The following SLC43A2 variants were observed in gnomAD, a reference collection of about 807,000 sequenced individuals.
The protein encoded by SLC43A2 is large neutral amino acids transporter small subunit 4.
Under a neutral mutation model 63.2 loss-of-function variants are expected in SLC43A2, and 38 were observed. That is an observed-to-expected ratio of 0.60 (90% CI 0.46 to 0.79). The LOEUF is 0.79. SLC43A2 is among the 30% of genes least tolerant of loss of function. SLC43A2 has a pLI of 0.00. For synonymous variants in SLC43A2, 322 were observed against 331.0 expected, an observed-to-expected ratio of 0.97 and a Z score of 0.30; for missense variants, 644 against 756.2, an observed-to-expected ratio of 0.85 and a Z score of 1.74.
chr17:1,618,102 C>T (rs553750221), intron 2 of SLC43A2, among the ~76,000 whole-genome samples: 2 of 152,346 alleles, frequency 1.3e-5, no homozygotes, highest in African/African-American at 2.4e-5. Flanking sequence ...AAAGCTTGCT[C>T]AGGCCTCTCG....
intron 3 of SLC43A2, chr17:1,616,319 A>T: frequency 1.8e-6 from 1 of 542,874 alleles, no homozygotes; most frequent in African/African-American, 1.9e-5. Context: ...TCTTAGTGAC[A>T]AGCAGCTCCG....
intron 6 of SLC43A2, 36 bp from the exon 7 acceptor site, chr17:1,591,735 G>GGGGGGGGGGGGGGGGGGA: frequency 3.1e-6 from 2 of 652,926 alleles, no homozygotes; most frequent in Non-Finnish European, 4.9e-6. Flanking sequence ...GGGGGGGGGA[G>GGGGGGGGGGGGGGGGGGA]GGGGCAGAGT....
Position 1,578,053 on chromosome 17 carries a change from A to G in SLC43A2, c.1424+197T>C, listed in dbSNP as rs920023529. Reference sequence around the variant, plus strand: ...CTTGTGAGCACCCAACTGTCTGCCCACTGACCTGCTTCCCACGAGGTATGG... The same window carrying G: ...CTTGTGAGCACCCAACTGTCTGCCCGCTGACCTGCTTCCCACGAGGTATGG... On this transcript the variant is annotated intron_variant, in intron 12 of 13. Transcript: ENST00000301335. The surrounding 1 kb of genome is among the most constrained non-coding windows in gnomAD (Gnocchi z 6.5). Among the ~76,000 whole-genome samples the G allele has an allele frequency of 2.6e-4, 40 of 152,262 alleles. No individual in the cohort carries two copies. The highest frequency in any genetic ancestry group is 8.9e-4 in the African/African-American group (37 of 41,552).
At chr17:1,595,919 C>T (rs902467772) in intron 5 of SLC43A2, among the ~76,000 whole-genome samples, 12 of 152,280 alleles carry the variant, frequency 7.9e-5, no homozygotes, top group Middle Eastern at 3.4e-3. Context: ...TTGAACTTGG[C>T]GACATACCTG....
In SLC43A2 at chr17:1,575,227, G is replaced by A; in HGVS notation, c.*377C>T. 1 of 347,248 alleles carries A rather than the reference G, an allele frequency of 2.9e-6. No homozygotes were observed. The highest frequency in any genetic ancestry group is 5.4e-6 in the Non-Finnish European group (1 of 184,800). The allele number at this position is 347,248 out of a possible 1,614,324, so 21.5% of individuals were successfully genotyped here. A position where few individuals can be genotyped will look rare whatever the true frequency, so the allele number is the denominator to read the frequency against. On this transcript the variant is annotated 3_prime_UTR_variant, in exon 14 of 14. Transcript: ENST00000301335. Reference sequence around the variant, plus strand: ...ACGGCTGTGGGCATGCAGCCGAGGGGCAGGTGGCAGGCAGGGGATGGCAGC... The same window carrying A: ...ACGGCTGTGGGCATGCAGCCGAGGGACAGGTGGCAGGCAGGGGATGGCAGC...
chr17:1,618,466 G>A (rs1907875375), intron 2 of SLC43A2, among the ~76,000 whole-genome samples: 1 of 152,230 alleles, frequency 6.6e-6, no homozygotes, highest in African/African-American at 2.4e-5. Context: ...GATCATTGCT[G>A]CTATTGGAGG....
chr17:1,594,313 T>C (rs1905081395), intron 5 of SLC43A2, among the ~76,000 whole-genome samples: 1 of 152,140 alleles, frequency 6.6e-6, no homozygotes, highest in South Asian at 2.1e-4. Context: ...TGAACAGGAC[T>C]TCAAGGCTAA....
chr17:1,575,369 G>T lies in SLC43A2; in HGVS notation c.*235C>A, dbSNP rs181850380. 1 of 572,226 alleles carries T rather than the reference G, an allele frequency of 1.7e-6. No individual in the cohort carries two copies. Among genetic ancestry groups the T allele is most frequent in the East Asian group, 3.2e-5 (1 of 31,082 alleles). The allele number at this position is 572,226 out of a possible 1,614,324, so 35.4% of individuals were successfully genotyped here. On this transcript the variant is annotated 3_prime_UTR_variant, in exon 14 of 14. Coordinates refer to ENST00000301335, the MANE Select transcript of SLC43A2 (RefSeq NM_152346.3). ...AGACCCCAGGCCCCGGGTCCCCGGG[G>T]GGCGGCAGAGCAAAGTCAGGGCAGC...
chr17:1,591,193 T>C, intron 8 of SLC43A2, 76 bp downstream of exon 8: 1 of 1,542,496 alleles, frequency 6.5e-7, no homozygotes, highest in Non-Finnish European at 8.8e-7. Flanking sequence ...CCTTTTGGGG[T>C]GAGGTGGGAA....
At chr17:1,590,036 C>T (rs1904599064) in intron 9 of SLC43A2, among the ~76,000 whole-genome samples, 1 of 152,154 alleles carries the variant, frequency 6.6e-6, no homozygotes, top group African/African-American at 2.4e-5. Flanking sequence ...CTTCACAAGT[C>T]CTAGGGTATC....
At chr17:1,595,054 G>A (rs183242762) in intron 5 of SLC43A2, among the ~76,000 whole-genome samples, 51 of 151,850 alleles carry the variant, frequency 3.4e-4, no homozygotes, top group Non-Finnish European at 6.2e-4. Context: ...GACAAGGGGG[G>A]CAGATCACCT....
At chr17:1,587,061 T>C in intron 9 of SLC43A2, 2 of 1,245,762 alleles carry the variant, frequency 1.6e-6, no homozygotes, top group South Asian at 1.3e-5. Flanking sequence ...GCTCACTCCA[T>C]GCCCAGCACG....
intron 5 of SLC43A2, among the ~76,000 whole-genome samples, chr17:1,595,394 C>A (rs76201771): frequency 1.3e-5 from 2 of 152,100 alleles, no homozygotes; most frequent in African/African-American, 4.8e-5. Context: ...GATCTTCCCC[C>A]CCCAGCTCCC....
At chr17:1,622,764 A>G (rs1159646608) in intron 2 of SLC43A2, among the ~76,000 whole-genome samples, 1 of 149,104 alleles carries the variant, frequency 6.7e-6, no homozygotes, top group Non-Finnish European at 1.5e-5. Flanking sequence ...AAATACAAAA[A>G]TTAGCCGGGT....
upstream of SLC43A2, among the ~76,000 whole-genome samples, chr17:1,629,474 A>T (rs978098391): frequency 1.3e-5 from 2 of 151,478 alleles, no homozygotes; most frequent in Non-Finnish European, 2.9e-5. Flanking sequence ...TGATGCACCG[A>T]CCCCTTCCCC....
intron 2 of SLC43A2, among the ~76,000 whole-genome samples, chr17:1,622,100 G>C (rs9896599): frequency 1.3e-5 from 2 of 152,160 alleles, no homozygotes; most frequent in Non-Finnish European, 2.9e-5. Context: ...AGGCTGGGGC[G>C]GTGGGAAGAG....
At chr17:1,620,670 T>A (rs1305044555) in intron 2 of SLC43A2, among the ~76,000 whole-genome samples, 2 of 151,992 alleles carry the variant, frequency 1.3e-5, no homozygotes, top group Non-Finnish European at 2.9e-5. Context: ...TCCTTCTGCT[T>A]GTGGAGCAAT....
chr17:1,616,781 G>C lies in SLC43A2; in HGVS notation c.161-12C>G. 6.2e-7 allele frequency: 1 copy of C among 1,613,176 alleles called. No individual in the cohort carries two copies. Among genetic ancestry groups the C allele is most frequent in the South Asian group, 1.1e-5 (1 of 91,086 alleles). ...ATTGGTGACATTCTCTGTGTGAAGAGGGAAGGAAACCCTGACCTCAGGGTC... is the reference window on the plus strand; with the variant it reads ...ATTGGTGACATTCTCTGTGTGAAGACGGAAGGAAACCCTGACCTCAGGGTC... On this transcript the variant is annotated splice_polypyrimidine_tract_variant and intron_variant, in intron 2 of 13. Transcript: ENST00000301335.
chr17:1,614,801 C>T (rs970376133), intron 4 of SLC43A2, among the ~76,000 whole-genome samples, 178 bp downstream of exon 4: 1 of 152,142 alleles, frequency 6.6e-6, no homozygotes, highest in Non-Finnish European at 1.5e-5. Context: ...GGTGGCTGCT[C>T]TCTGATCTCG....
Sources: allele counts gnomAD v4.1 joint callset (sites outside exome capture counted in the v4.1 genomes callset), GRCh38; gene constraint gnomAD v4.1.1; non-coding constraint Gnocchi (gnomAD v3.1); transcripts MANE v1.5; gene names NCBI Gene and HGNC (gene_info 2026-07-23, HGNC 2026-07-21).